FRMD4A: variants seen among roughly 807,000 people sequenced by gnomAD.
FRMD4A encodes the protein FERM domain-containing protein 4A.
Under a neutral mutation model 129.1 loss-of-function variants are expected in FRMD4A, and 29 were observed. That is an observed-to-expected ratio of 0.22 (90% CI 0.17 to 0.31). The LOEUF (loss-of-function observed/expected upper bound fraction) is 0.31, where lower values mean the gene tolerates loss of function less well. Among genes scored for constraint, FRMD4A ranks in the 10% least tolerant of loss-of-function variants. The pLI is 1.00. For synonymous variants in FRMD4A, 634 were observed against 571.6 expected (o/e 1.11, Z -1.56); for missense variants, 1,272 against 1,375.8 (o/e 0.92, Z 1.19).
chr10:14,226,809 C>T (rs887393036), intron 2 of FRMD4A, among the ~76,000 whole-genome samples: 1 of 152,148 alleles, frequency 6.6e-6, no homozygotes, highest in Non-Finnish European at 1.5e-5. Flanking sequence ...CCTCTGTTGG[C>T]GTTCATCATT....
At chr10:14,073,585 T>A (rs1171947168) in intron 2 of FRMD4A, among the ~76,000 whole-genome samples, 1 of 152,070 alleles carries the variant, frequency 6.6e-6, no homozygotes, top group Non-Finnish European at 1.5e-5. Flanking sequence ...ATGGGAAAGA[T>A]CTCAGGGATG....
chr10:14,310,466 CAT>C (rs1846508302), intron 2 of FRMD4A, among the ~76,000 whole-genome samples: 1 of 152,130 alleles, frequency 6.6e-6, no homozygotes, highest in African/African-American at 2.4e-5. Flanking sequence ...GAGCTGCAAA[CAT>C]AGATAAGCAA....
intron 2 of FRMD4A, among the ~76,000 whole-genome samples, chr10:14,217,822 C>T (rs1337637152): frequency 6.6e-6 from 1 of 151,858 alleles, no homozygotes; most frequent in Non-Finnish European, 1.5e-5. Context: ...TTTATTTTTA[C>T]TCTCTCTCTC....
At chr10:14,175,663 T>C (rs1261624541) in intron 2 of FRMD4A, among the ~76,000 whole-genome samples, 1 of 152,028 alleles carries the variant, frequency 6.6e-6, no homozygotes, top group African/African-American at 2.4e-5. Flanking sequence ...TATCTGTGAC[T>C]GTAGGCATGC....
At chr10:13,761,790 TATC>T in intron 7 of FRMD4A, 121 bp from the exon 8 acceptor site, 1 of 661,296 alleles carries the variant, frequency 1.5e-6, no homozygotes, top group Non-Finnish European at 2.7e-6. Flanking sequence ...TTCCTGCAGT[TATC>T]ATCCTATTTG....
rs368849808 is a variant in FRMD4A, at chr10:14,132,491, C to T, written c.45+197567G>A. Reference sequence around the variant, plus strand: ...AGCTGTATTCCCCTTTTAATGTCCACGACTGAAGAGGTTGTTATCAATCTG... The same window carrying T: ...AGCTGTATTCCCCTTTTAATGTCCATGACTGAAGAGGTTGTTATCAATCTG... On this transcript the variant is annotated intron_variant, in intron 2 of 24. Coordinates refer to ENST00000357447, the MANE Select transcript of FRMD4A (RefSeq NM_018027.5). Among the ~76,000 whole-genome samples, 24 of 152,190 alleles carry T rather than the reference C, an allele frequency of 1.6e-4. No individual in the cohort carries two copies. The East Asian group carries it at 4.1e-3, about 26-fold the overall frequency.
chr10:14,120,478 C>T (rs148158349), intron 2 of FRMD4A, among the ~76,000 whole-genome samples: 1 of 152,158 alleles, frequency 6.6e-6, no homozygotes. Flanking sequence ...CAAATGTTTG[C>T]TGAATGAATA....
chr10:13,754,541 T>C (rs2091773506), intron 8 of FRMD4A, among the ~76,000 whole-genome samples: 1 of 150,848 alleles, frequency 6.6e-6, no homozygotes, highest in African/African-American at 2.4e-5. Flanking sequence ...TTTTAAATCA[T>C]GGGAAAACGC....
At chr10:14,127,229 G>A (rs578223435) in intron 2 of FRMD4A, among the ~76,000 whole-genome samples, 23 of 152,314 alleles carry the variant, frequency 1.5e-4, no homozygotes, top group South Asian at 1.0e-3. Flanking sequence ...AAGCTGGCCC[G>A]TGAGGAGGGT....
At chr10:13,900,923 A>G (rs144105961) in intron 2 of FRMD4A, among the ~76,000 whole-genome samples, 272 of 152,156 alleles carry the variant, frequency 1.8e-3, no homozygotes, top group Middle Eastern at 6.8e-3. Context: ...AAAATAAAAT[A>G]AGAAGGTTAA....
In FRMD4A at chr10:14,257,067, A is replaced by G. The variant is rs149903483; in HGVS notation, c.45+72991T>C. 9.5e-3 allele frequency among the ~76,000 whole-genome samples: 1,444 copies of G among 152,248 alleles called. 26 individuals carry two copies. Among genetic ancestry groups the G allele is most frequent in the African/African-American group, 0.033 (1,384 of 41,540 alleles). Reference sequence around the variant, plus strand: ...TAACTGGCTGGGTGTAGTGGCTCACACCTGTAATCCCGGCACTTTGGGAGG... The same window carrying G: ...TAACTGGCTGGGTGTAGTGGCTCACGCCTGTAATCCCGGCACTTTGGGAGG... On this transcript the variant is annotated intron_variant, in intron 2 of 24. Coordinates refer to ENST00000357447, the MANE Select transcript of FRMD4A (RefSeq NM_018027.5).
intron 2 of FRMD4A, among the ~76,000 whole-genome samples, chr10:14,098,112 T>TTA (rs1270749481): frequency 7.0e-6 from 1 of 142,562 alleles, no homozygotes; most frequent in African/African-American, 2.6e-5. Context: ...TATATATAAT[T>TTA]TATATATATT....
intron 8 of FRMD4A, among the ~76,000 whole-genome samples, chr10:13,755,473 G>C (rs1483095288): frequency 2.0e-5 from 3 of 152,110 alleles, no homozygotes; most frequent in African/African-American, 7.2e-5. Flanking sequence ...AATACTAAAA[G>C]GTCTTTACAT....
chr10:13,751,703 TC>T (rs1482127805), intron 8 of FRMD4A, among the ~76,000 whole-genome samples: 7 of 152,342 alleles, frequency 4.6e-5, no homozygotes, highest in African/African-American at 1.7e-4. Context: ...GTGGCTGCAT[TC>T]CATTTTTAGA....
chr10:14,181,244 A>T (rs1033243238), intron 2 of FRMD4A, among the ~76,000 whole-genome samples: 2 of 152,200 alleles, frequency 1.3e-5, no homozygotes, highest in Non-Finnish European at 2.9e-5. Context: ...GCAGAGTGAC[A>T]TTATTTTCCC....
chr10:13,685,423 T>A, intron 15 of FRMD4A: 1 of 985,192 alleles, frequency 1.0e-6, no homozygotes, highest in Non-Finnish European at 1.2e-6. Flanking sequence ...TCCAGTAAAA[T>A]ACCCAGCTGA....
rs938105428 is a variant in FRMD4A at position 14,082,076 on chromosome 10, T to C, written c.46-223164A>G. On this transcript the variant is annotated intron_variant, in intron 2 of 24. Coordinates refer to ENST00000357447, the MANE Select transcript of FRMD4A (RefSeq NM_018027.5). ...TTCTGGCTAACATGGTGAAACCCCA[T>C]CTCTACTAAAAATACAAGAAATTAG... Among the ~76,000 whole-genome samples the C allele has an allele frequency of 2.0e-5, 3 of 152,062 alleles. No individual in the cohort carries two copies. In the East Asian group the frequency reaches 5.8e-4, roughly 29 times the overall value.
chr10:14,163,004 C>A (rs1840987385), intron 2 of FRMD4A, among the ~76,000 whole-genome samples: 1 of 152,144 alleles, frequency 6.6e-6, no homozygotes, highest in Non-Finnish European at 1.5e-5. Flanking sequence ...GACAGCTGCA[C>A]ACACAGGCTA....
At chr10:13,932,636 C>A (rs2095211227) in intron 2 of FRMD4A, among the ~76,000 whole-genome samples, 1 of 152,176 alleles carries the variant, frequency 6.6e-6, no homozygotes, top group Admixed American at 6.5e-5. Flanking sequence ...TTAGAAGGGA[C>A]TACTCCCTGG....
Sources: gnomAD v4.1 joint callset for allele counts (sites outside exome capture counted in the v4.1 genomes callset) on GRCh38, gnomAD v4.1.1 for gene constraint, MANE v1.5 for transcripts, NCBI Gene and HGNC (gene_info 2026-07-23, HGNC 2026-07-21) for gene names.